The following PTPRG variants were observed in gnomAD, a reference collection of about 807,000 sequenced individuals.
The protein encoded by PTPRG is protein tyrosine phosphatase receptor type G.
A neutral mutation model predicts 165.3 loss-of-function variants in PTPRG; 102 were observed. The observed-to-expected ratio is 0.62, with a 90% CI of 0.53 to 0.73. The LOEUF (loss-of-function observed/expected upper bound fraction) is 0.73, where lower values mean the gene tolerates loss of function less well. Ranked by LOEUF, PTPRG falls within the 30% of genes least tolerant of loss-of-function variation. The pLI is 0.00. For missense variants in PTPRG, 1,866 were observed against 1,861.4 expected (o/e 1.00, Z -0.05); for synonymous variants, 675 against 669.5 (o/e 1.01, Z -0.13).
intron 13 of PTPRG, among the ~76,000 whole-genome samples, chr3:62,230,592 CAGTTATTT>C (rs1248158942): frequency 6.6e-6 from 1 of 152,192 alleles, no homozygotes; most frequent in East Asian, 1.9e-4. Context: ...TCAGATGCTA[CAGTTATTT>C]AAGTTTTAAG....
chr3:62,152,138 G>A (rs149403393), intron 6 of PTPRG, among the ~76,000 whole-genome samples: 23 of 152,146 alleles, frequency 1.5e-4, no homozygotes, highest in African/African-American at 5.1e-4. Flanking sequence ...GGCTGGGGCT[G>A]GAGGATTGCT....
At chr3:62,088,088 G>T (rs1701808817) in intron 5 of PTPRG, among the ~76,000 whole-genome samples, 1 of 152,222 alleles carries the variant, frequency 6.6e-6, no homozygotes, top group Admixed American at 6.5e-5. Context: ...AATGGCAGCA[G>T]TTCTGAAGTG....
chr3:62,157,283 A>G, intron 7 of PTPRG, 59 bp downstream of exon 7: 1 of 1,552,482 alleles, frequency 6.4e-7, no homozygotes, highest in Non-Finnish European at 8.9e-7. Context: ...TGACTTAACG[A>G]TCCAGCATGG....
In PTPRG at chr3:62,272,970, C is replaced by T; in HGVS notation, c.3207C>T (p.Thr1069=). 1 of 1,612,998 alleles carries T rather than the reference C, an allele frequency of 6.2e-7. No homozygotes were observed. Among genetic ancestry groups the T allele is most frequent in the Middle Eastern group, 1.7e-4 (1 of 6,052 alleles). ...HCSAGVGRTG[T]YIVIDSMLQQ... ...GTGCTGGTGTGGGCAGAACAGGCAC[C>T]TATATTGTAATAGACAGCATGCTGC... Residue 1069 remains threonine, a synonymous_variant, in exon 22 of 30, where the codon ACC becomes ACT. Transcript: ENST00000474889.
intron 26 of PTPRG, 87 bp from the exon 27 acceptor site, chr3:62,281,476 T>C (rs1443227655): frequency 1.6e-6 from 2 of 1,214,320 alleles, no homozygotes; most frequent in South Asian, 3.1e-5. Context: ...TTGAGAGGGA[T>C]GGGAAATGAC....
At chr3:61,869,745 A>ATTTT (rs1022940440) in intron 2 of PTPRG, among the ~76,000 whole-genome samples, 1 of 142,414 alleles carries the variant, frequency 7.0e-6, no homozygotes, top group Non-Finnish European at 1.6e-5. Flanking sequence ...TGCCTGGCTA[A>ATTTT]TTTTTTGTTT....
chr3:61,836,136 T>C (rs1017586915), intron 2 of PTPRG, among the ~76,000 whole-genome samples: 2 of 151,090 alleles, frequency 1.3e-5, no homozygotes, highest in Non-Finnish European at 2.9e-5. Context: ...TCTTTGGATA[T>C]TTGTAGGCCT....
intron 1 of PTPRG, among the ~76,000 whole-genome samples, chr3:61,734,401 C>A (rs1462909405): frequency 6.6e-6 from 1 of 152,128 alleles, no homozygotes; most frequent in Non-Finnish European, 1.5e-5. Flanking sequence ...TTTCTCTCAC[C>A]TTTTCACTTA....
At position 62,214,569 on chromosome 3, in the gene PTPRG, A is replaced by G. The variant is rs1244274986; in HGVS notation, c.2156-4282A>G. Among the ~76,000 whole-genome samples, 1 of 152,228 alleles carries G rather than the reference A, an allele frequency of 6.6e-6. No homozygotes were observed. The highest frequency in any genetic ancestry group is 2.4e-5 in the African/African-American group (1 of 41,456). Reference sequence around the variant, plus strand: ...GCTTTGTAACTGTTCTTCCATACACAGACGGAAATCAGCCCTGCCTTTGGG... The same window carrying G: ...GCTTTGTAACTGTTCTTCCATACACGGACGGAAATCAGCCCTGCCTTTGGG... On this transcript the variant is annotated intron_variant, in intron 12 of 29. Coordinates refer to ENST00000474889, the MANE Select transcript of PTPRG (RefSeq NM_002841.4). The surrounding 1 kb of genome is among the most constrained non-coding windows in gnomAD (Gnocchi z 5.2).
At chr3:62,043,457 G>T (rs2107806685) in intron 4 of PTPRG, among the ~76,000 whole-genome samples, 1 of 152,246 alleles carries the variant, frequency 6.6e-6, no homozygotes, top group South Asian at 2.1e-4. Flanking sequence ...AATGCAATTA[G>T]AATTCTTTTT....
chr3:62,178,926 A>G (rs1705542668), intron 8 of PTPRG, among the ~76,000 whole-genome samples: 1 of 152,190 alleles, frequency 6.6e-6, no homozygotes, highest in South Asian at 2.1e-4. Context: ...CCTTACTCCC[A>G]GAGCAGCACA....
At chr3:61,805,530 C>CCA (rs1553672163) in intron 2 of PTPRG, among the ~76,000 whole-genome samples, 4 of 96,534 alleles carry the variant, frequency 4.1e-5, no homozygotes, top group African/African-American at 1.4e-4. Context: ...ATGGGAAAGA[C>CCA]AAAAAAAAAA....
At position 61,710,399 on chromosome 3, in the gene PTPRG, A is replaced by C. The variant is rs1307266316; in HGVS notation, c.86-38479A>C. Among the ~76,000 whole-genome samples the C allele has an allele frequency of 1.3e-5, 2 of 152,072 alleles. 1 individual carries two copies. Among genetic ancestry groups the C allele is most frequent in the East Asian group, 3.9e-4 (2 of 5,194 alleles). ...CCCATGTAGTGCGTACAATAGTTCT[A>C]TGAGGTTAGATAATAGTAGCCCCAT... On this transcript the variant is annotated intron_variant, in intron 1 of 29. Transcript: ENST00000474889.
chr3:61,952,642 A>G (rs1334355408), intron 2 of PTPRG, among the ~76,000 whole-genome samples: 49 of 152,222 alleles, frequency 3.2e-4, no homozygotes, highest in Non-Finnish European at 1.6e-4. Flanking sequence ...CAAGTTCAGT[A>G]TCTCTGCCCA....
intron 2 of PTPRG, among the ~76,000 whole-genome samples, chr3:61,983,289 C>T (rs1207381226): frequency 6.6e-6 from 1 of 152,002 alleles, no homozygotes; most frequent in East Asian, 1.9e-4. Context: ...TAATTTAAAC[C>T]TGTGTATTCG....
intron 4 of PTPRG, among the ~76,000 whole-genome samples, chr3:62,019,201 A>G (rs1191629281): frequency 6.6e-6 from 1 of 152,182 alleles, no homozygotes; most frequent in Non-Finnish European, 1.5e-5. Context: ...GTTGAACAGT[A>G]AGAGATATTC....
intron 8 of PTPRG, among the ~76,000 whole-genome samples, chr3:62,175,732 GAATCA>G (rs1705396412): frequency 6.6e-6 from 1 of 152,176 alleles, no homozygotes; most frequent in Non-Finnish European, 1.5e-5. Context: ...GTCCCAAAGG[GAATCA>G]AATCAAGTCG....
chr3:62,125,754 C>CTCTA (rs1475986910), intron 5 of PTPRG, among the ~76,000 whole-genome samples: 2 of 150,330 alleles, frequency 1.3e-5, no homozygotes, highest in African/African-American at 4.9e-5. Context: ...TAGCTTAAGA[C>CTCTA]TCTAGGTCAT....
chr3:61,609,884 T>C (rs781483456), intron 1 of PTPRG, among the ~76,000 whole-genome samples: 5 of 152,030 alleles, frequency 3.3e-5, no homozygotes, highest in Non-Finnish European at 5.9e-5. Flanking sequence ...TGTTTTCTTA[T>C]TTCTATCAAT....
Sources: allele counts gnomAD v4.1 joint callset (sites outside exome capture counted in the v4.1 genomes callset), GRCh38; gene constraint gnomAD v4.1.1; non-coding constraint Gnocchi (gnomAD v3.1); transcripts MANE v1.5; gene names NCBI Gene and HGNC (gene_info 2026-07-23, HGNC 2026-07-21).